Variants in SCARB1 observed in about 807,000 individuals in gnomAD.
SCARB1 encodes scavenger receptor class B member 1.
A neutral mutation model predicts 57.2 loss-of-function variants in SCARB1; 30 were observed. The observed-to-expected ratio is 0.52, with a 90% CI of 0.39 to 0.71. The LOEUF is 0.71. Ranked by LOEUF, SCARB1 falls within the 30% of genes least tolerant of loss-of-function variation. The pLI is 0.00. For synonymous variants in SCARB1, 249 were observed against 268.3 expected (o/e 0.93, Z 0.70); for missense variants, 543 against 671.2 (o/e 0.81, Z 2.11).
Position 124,812,072 on chromosome 12 carries a change from G to C in SCARB1, c.631-107C>G, listed in dbSNP as rs1950553766. The C allele has an allele frequency of 1.2e-6, 1 of 845,058 alleles. No homozygotes were observed. Among genetic ancestry groups the C allele is most frequent in the South Asian group, 1.4e-5 (1 of 69,540 alleles). 52.3% of individuals were successfully genotyped at this position (845,058 alleles called of 1,614,324 possible). ...CTCCTCCCCCTCCACCAGAAGGACA[G>C]GGCCCCCAGCATCTGGTTCACTGCC... On this transcript the variant is annotated intron_variant, in intron 4 of 12. Coordinates refer to ENST00000261693, the MANE Select transcript of SCARB1 (RefSeq NM_005505.5). This position sits in a 1 kb window ranked among gnomAD's most constrained non-coding sequence, Gnocchi z 4.3.
chr12:124,797,715 A>G (rs1949990826), intron 8 of SCARB1, among the ~76,000 whole-genome samples: 1 of 152,216 alleles, frequency 6.6e-6, no homozygotes, highest in Non-Finnish European at 1.5e-5. Context: ...CCAGCAGAGC[A>G]AGAGAGGCTG....
intron 1 of SCARB1, among the ~76,000 whole-genome samples, chr12:124,832,306 G>T (rs1343031936): frequency 6.6e-6 from 1 of 152,148 alleles, no homozygotes; most frequent in East Asian, 1.9e-4. Flanking sequence ...GATCACTTGA[G>T]GTCAGGAGTT....
intron 5 of SCARB1, among the ~76,000 whole-genome samples, chr12:124,811,566 G>A (rs1402691930): frequency 6.6e-5 from 10 of 152,230 alleles, no homozygotes; most frequent in South Asian, 6.2e-4. Context: ...GAACTACCAC[G>A]CCCGGCCTTC....
chr12:124,794,539 T>G (rs1949868276), intron 9 of SCARB1, among the ~76,000 whole-genome samples: 2 of 151,952 alleles, frequency 1.3e-5, no homozygotes, highest in South Asian at 2.1e-4. Flanking sequence ...TTTCAAACAT[T>G]TGGTTTTGCC....
At chr12:124,782,002 T>A (rs1873573056) in intron 12 of SCARB1, among the ~76,000 whole-genome samples, 1 of 151,980 alleles carries the variant, frequency 6.6e-6, no homozygotes, top group Non-Finnish European at 1.5e-5. Context: ...ATCTCCCGGG[T>A]TCAAGCGATT....
chr12:124,831,851 A>G (rs531017021), intron 1 of SCARB1, among the ~76,000 whole-genome samples: 1 of 152,356 alleles, frequency 6.6e-6, no homozygotes, highest in Non-Finnish European at 1.5e-5. Flanking sequence ...ACTAGGGCCT[A>G]ATCAATAGAA....
intron 1 of SCARB1, among the ~76,000 whole-genome samples, chr12:124,837,246 C>T (rs532749593): frequency 1.3e-5 from 2 of 152,226 alleles, no homozygotes; most frequent in South Asian, 4.1e-4. Flanking sequence ...TGCCTTCTTT[C>T]AAACACCCCA....
intron 1 of SCARB1, among the ~76,000 whole-genome samples, chr12:124,836,490 T>C (rs1951653438): frequency 1.3e-5 from 2 of 152,208 alleles, no homozygotes; most frequent in African/African-American, 4.8e-5. Context: ...AATGCTTTCA[T>C]TTATTTAAAC....
At chr12:124,845,145 C>T (rs73417405) in intron 1 of SCARB1, among the ~76,000 whole-genome samples, 1 of 152,218 alleles carries the variant, frequency 6.6e-6, no homozygotes, top group African/African-American at 2.4e-5. Context: ...AAAAGGAGAC[C>T]ACTGAAAGCA....
intron 9 of SCARB1, among the ~76,000 whole-genome samples, chr12:124,790,706 C>T (rs1340457435): frequency 1.3e-5 from 2 of 152,162 alleles, no homozygotes; most frequent in African/African-American, 4.8e-5. Flanking sequence ...CCACACAGAC[C>T]CCCCCACAAC....
intron 2 of SCARB1, 74 bp from the exon 3 acceptor site, chr12:124,815,188 C>G: frequency 6.4e-7 from 1 of 1,553,406 alleles, no homozygotes; most frequent in Non-Finnish European, 8.8e-7. Flanking sequence ...GCCTGCAATG[C>G]CTGCCTGGGA....
intron 8 of SCARB1, among the ~76,000 whole-genome samples, chr12:124,797,503 C>T (rs188852557): frequency 7.9e-4 from 120 of 152,350 alleles, no homozygotes; most frequent in African/African-American, 2.1e-3. Flanking sequence ...CTCTCCCCGT[C>T]GGCCTCAAGC....
chr12:124,806,991 G>C (rs1262074002), intron 7 of SCARB1, among the ~76,000 whole-genome samples: 2 of 152,010 alleles, frequency 1.3e-5, no homozygotes, highest in African/African-American at 2.4e-5. Context: ...TTGAGGTCAG[G>C]AGTTCAAGAC....
intron 8 of SCARB1, among the ~76,000 whole-genome samples, chr12:124,795,703 TC>T (rs2135579984): frequency 6.6e-6 from 1 of 152,260 alleles, no homozygotes; most frequent in Non-Finnish European, 1.5e-5. Flanking sequence ...CTCAATTCAC[TC>T]CCAACTCCTC....
rs1245701164 is a variant in SCARB1, at chr12:124,814,551, G to A, written c.427-146C>T. On this transcript the variant is annotated intron_variant, in intron 3 of 12. Coordinates refer to ENST00000261693, the MANE Select transcript of SCARB1 (RefSeq NM_005505.5). The surrounding 1 kb of genome is among the most constrained non-coding windows in gnomAD (Gnocchi z 4.7). Reference sequence around the variant, plus strand: ...CTGGAGTGGCCACGTGGGGCATCTGGGACACCAGAACCACCCTCTGCTCCT... The same window carrying A: ...CTGGAGTGGCCACGTGGGGCATCTGAGACACCAGAACCACCCTCTGCTCCT... 1 of 813,720 alleles carries A rather than the reference G, an allele frequency of 1.2e-6. No homozygotes were observed. 50.4% of individuals were successfully genotyped at this position (813,720 alleles called of 1,614,324 possible).
chr12:124,840,461 C>T (rs1951864925), intron 1 of SCARB1, among the ~76,000 whole-genome samples: 1 of 152,196 alleles, frequency 6.6e-6, no homozygotes, highest in Non-Finnish European at 1.5e-5. Context: ...CAGGCGTGAG[C>T]CACCGCGCCT....
At chr12:124,783,561 G>C (rs1949393517) in intron 11 of SCARB1, 1 of 152,212 alleles carries the variant, frequency 6.6e-6, no homozygotes, top group Non-Finnish European at 1.5e-5. Context: ...GAGGTCAGGA[G>C]TTCAAGACCA....
chr12:124,833,819 C>T (rs529261943), intron 1 of SCARB1, among the ~76,000 whole-genome samples: 2 of 152,358 alleles, frequency 1.3e-5, no homozygotes, highest in African/African-American at 2.4e-5. Flanking sequence ...GATGCTCACA[C>T]GTCCCCCGCT....
intron 12 of SCARB1, among the ~76,000 whole-genome samples, chr12:124,779,964 C>T (rs1030315292): frequency 6.6e-6 from 1 of 152,172 alleles, no homozygotes; most frequent in South Asian, 2.1e-4. Flanking sequence ...CATGTGGGCC[C>T]AAAGAGCCGT....
Sources: gnomAD v4.1 joint callset for allele counts (sites outside exome capture counted in the v4.1 genomes callset) on GRCh38, gnomAD v4.1.1 for gene constraint, Gnocchi (gnomAD v3.1) non-coding constraint, MANE v1.5 for transcripts, NCBI Gene and HGNC (gene_info 2026-07-23, HGNC 2026-07-21) for gene names.